Variants in RFC3 observed in about 807,000 individuals in gnomAD.
RFC3 encodes the protein A1 38 kDa subunit.
A neutral mutation model predicts 45.1 loss-of-function variants in RFC3; 41 were observed. The observed-to-expected ratio is 0.91, with a 90% CI of 0.71 to 1.18. The LOEUF is 1.18. RFC3 is among the 50% of genes most tolerant of loss of function. RFC3 has a pLI of 0.00. For synonymous variants in RFC3, 149 were observed against 144.0 expected (o/e 1.03, Z -0.25); for missense variants, 423 against 428.1 (o/e 0.99, Z 0.10).
chr13:33,930,297 G>T (rs1004707525), intron 8 of RFC3, among the ~76,000 whole-genome samples: 1 of 152,146 alleles, frequency 6.6e-6, no homozygotes, highest in Non-Finnish European at 1.5e-5. Context: ...CAAAAGTAGG[G>T]AAGCTGACAG....
At chr13:33,860,212 G>T (rs2082332216) in intron 8 of RFC3, among the ~76,000 whole-genome samples, 1 of 149,240 alleles carries the variant, frequency 6.7e-6, no homozygotes, top group East Asian at 2.0e-4. Flanking sequence ...TTGGCAGCTG[G>T]AGAAGACTAA....
chr13:33,823,897 A>G lies in RFC3; in HGVS notation c.226-20A>G. On this transcript the variant is annotated intron_variant, in intron 2 of 8. Coordinates refer to ENST00000380071, the MANE Select transcript of RFC3 (RefSeq NM_002915.4). ...TAGGCAATAAATAAATGTTAAAAAT[A>G]TCTTTTTCTTTGTCCACAGACTCCA... 8 of 1,346,266 alleles carry G rather than the reference A, an allele frequency of 5.9e-6. No homozygotes were observed. The highest frequency in any genetic ancestry group is 8.3e-6 in the Non-Finnish European group (8 of 963,720). 83.4% of individuals were successfully genotyped at this position (1,346,266 alleles called of 1,614,324 possible).
intron 8 of RFC3, among the ~76,000 whole-genome samples, chr13:33,900,675 A>G (rs1189059397): frequency 6.6e-6 from 1 of 151,904 alleles, no homozygotes; most frequent in East Asian, 1.9e-4. Context: ...AAGCAAAAAA[A>G]GGACAAATGG....
At chr13:33,876,459 A>C (rs2082447588) in intron 8 of RFC3, among the ~76,000 whole-genome samples, 1 of 152,194 alleles carries the variant, frequency 6.6e-6, no homozygotes, top group South Asian at 2.1e-4. Context: ...AATCTTAAAA[A>C]CTTTAACTCA....
At chr13:33,910,241 G>A (rs1183376898) in intron 8 of RFC3, among the ~76,000 whole-genome samples, 3 of 152,040 alleles carry the variant, frequency 2.0e-5, no homozygotes, top group Non-Finnish European at 2.9e-5. Context: ...AGATAACATA[G>A]CATAAGGACT....
chr13:33,830,153 A>G, intron 5 of RFC3, 136 bp downstream of exon 5: 1 of 692,066 alleles, frequency 1.4e-6, no homozygotes, highest in East Asian at 2.7e-5. Flanking sequence ...TTAATATGTG[A>G]ACAAACCAAA....
intron 8 of RFC3, among the ~76,000 whole-genome samples, chr13:33,878,254 A>C (rs2082460742): frequency 6.6e-6 from 1 of 152,228 alleles, no homozygotes; most frequent in Non-Finnish European, 1.5e-5. Flanking sequence ...AATATTTTTA[A>C]ATAAAATAAT....
intron 8 of RFC3, among the ~76,000 whole-genome samples, chr13:33,914,731 C>A (rs986503073): frequency 6.6e-6 from 1 of 152,074 alleles, no homozygotes; most frequent in Non-Finnish European, 1.5e-5. Flanking sequence ...TTTATGAATT[C>A]TACATAACAT....
chr13:33,833,105 C>G (rs1245411368), intron 7 of RFC3, among the ~76,000 whole-genome samples: 4 of 152,106 alleles, frequency 2.6e-5, no homozygotes, highest in South Asian at 4.1e-4. Flanking sequence ...TTCCAGAAAG[C>G]CTTGGGGCTG....
At chr13:33,825,244 G>A (rs945783198) in intron 3 of RFC3, among the ~76,000 whole-genome samples, 6 of 151,964 alleles carry the variant, frequency 3.9e-5, no homozygotes, top group Non-Finnish European at 7.4e-5. Flanking sequence ...ATCAGTTTAC[G>A]GAGTTTTGAC....
At chr13:33,851,764 A>G (rs933191732) in intron 8 of RFC3, among the ~76,000 whole-genome samples, 2 of 152,190 alleles carry the variant, frequency 1.3e-5, no homozygotes, top group African/African-American at 4.8e-5. Flanking sequence ...AAAGCATTGC[A>G]CACACATATG....
At chr13:33,886,860 T>C (rs1416511757) in intron 8 of RFC3, among the ~76,000 whole-genome samples, 2 of 146,568 alleles carry the variant, frequency 1.4e-5, no homozygotes, top group Non-Finnish European at 3.0e-5. Context: ...GTTCAGTTCC[T>C]ACCTATGAGT....
At chr13:33,958,596 G>A (rs1287027578) in intron 8 of RFC3, among the ~76,000 whole-genome samples, 2 of 152,194 alleles carry the variant, frequency 1.3e-5, no homozygotes, top group Non-Finnish European at 2.9e-5. Flanking sequence ...AACAGAAGGC[G>A]TTTTTCAGAA....
At chr13:33,877,572 A>G (rs188824507) in intron 8 of RFC3, among the ~76,000 whole-genome samples, 156 of 152,194 alleles carry the variant, frequency 1.0e-3, no homozygotes, top group African/African-American at 3.5e-3. Context: ...AAAGCCAGCC[A>G]CTACTTTGTC....
At chr13:33,939,885 C>A (rs2082912518) in intron 8 of RFC3, among the ~76,000 whole-genome samples, 1 of 152,042 alleles carries the variant, frequency 6.6e-6, no homozygotes, top group East Asian at 1.9e-4. Context: ...TTTCTCTTGT[C>A]TTTTTAATAT....
chr13:33,872,792 A>AACC (rs1555235482), intron 8 of RFC3, among the ~76,000 whole-genome samples: 8 of 97,446 alleles, frequency 8.2e-5, no homozygotes, highest in East Asian at 3.7e-4. Context: ...AAGAAACCAA[A>AACC]CCCCCCCCCC....
chr13:33,825,154 T>C (rs1435070003), intron 3 of RFC3, among the ~76,000 whole-genome samples: 3 of 152,184 alleles, frequency 2.0e-5, no homozygotes, highest in Non-Finnish European at 4.4e-5. Flanking sequence ...AATTGACTTC[T>C]CTTGGCTTGA....
chr13:33,834,298 G>GTATATTATATATATA (rs1555308471), intron 7 of RFC3, among the ~76,000 whole-genome samples: 5 of 109,218 alleles, frequency 4.6e-5, no homozygotes, highest in African/African-American at 1.2e-4. Flanking sequence ...TGTACTGTGT[G>GTATATTATATATATA]TATATATATA....
At chr13:33,829,280 C>G (rs908642052) in intron 4 of RFC3, among the ~76,000 whole-genome samples, 1 of 152,190 alleles carries the variant, frequency 6.6e-6, no homozygotes, top group Non-Finnish European at 1.5e-5. Flanking sequence ...GCCTTGTTGC[C>G]TACATCTCTT....
Sources: allele counts gnomAD v4.1 joint callset (sites outside exome capture counted in the v4.1 genomes callset), GRCh38; gene constraint gnomAD v4.1.1; transcripts MANE v1.5; gene names NCBI Gene and HGNC (gene_info 2026-07-23, HGNC 2026-07-21).